The following SRGAP1 variants were observed in gnomAD, a reference collection of about 807,000 sequenced individuals.
SRGAP1 encodes SLIT-ROBO Rho GTPase activating protein 1, also known as SLIT-ROBO Rho GTPase-activating protein 1.
A neutral mutation model predicts 121.9 loss-of-function variants in SRGAP1; 43 were observed. The ratio of observed to expected loss-of-function variants is 0.35; its 90% confidence interval spans 0.28 to 0.46. The LOEUF is 0.46. SRGAP1 is among the 20% of genes least tolerant of loss of function. The probability of loss-of-function intolerance (pLI) is 1.00; values close to 1 mark genes in which losing one functional copy is unlikely to be tolerated. For missense variants in SRGAP1, 1,102 were observed against 1,350.9 expected, an observed-to-expected ratio of 0.82 and a Z score of 2.89; for synonymous variants, 447 against 485.4, an observed-to-expected ratio of 0.92 and a Z score of 1.04.
rs1347528480 is a variant in SRGAP1 at position 64,022,546 on chromosome 12, A to T, written c.489+5534A>T. 3.9e-5 allele frequency among the ~76,000 whole-genome samples: 6 copies of T among 152,278 alleles called. No homozygotes were observed. In the East Asian group the frequency reaches 1.2e-3, roughly 29 times the overall value. On this transcript the variant is annotated intron_variant, in intron 4 of 21. Transcript: ENST00000355086. ...AGAAGCACTCTCACACACATCCAGAATCATGTTTGACCAAATATCTGGGCA... is the reference window on the plus strand; with the variant it reads ...AGAAGCACTCTCACACACATCCAGATTCATGTTTGACCAAATATCTGGGCA...
chr12:64,011,081 A>C (rs954031866), intron 3 of SRGAP1, among the ~76,000 whole-genome samples: 4 of 152,098 alleles, frequency 2.6e-5, no homozygotes, highest in Admixed American at 6.6e-5. Context: ...GAAAGTACAG[A>C]GATGGGAAAG....
Position 64,147,258 on chromosome 12 carries a change from T to G in SRGAP1, c.*4586T>G. 2 of 378,774 alleles carry G rather than the reference T, an allele frequency of 5.3e-6. No individual in the cohort carries two copies. The highest frequency in any genetic ancestry group is 3.8e-5 in the East Asian group (1 of 26,434). 23.5% of individuals were successfully genotyped at this position (378,774 alleles called of 1,614,324 possible). The stretch of plus-strand genomic sequence containing the variant: ...CTTCCTGCTTGTGACTGTTACCTAA[T>G]TGTGTCAATGTACATCTGTAGTATG... On this transcript the variant is annotated 3_prime_UTR_variant, in exon 22 of 22. Coordinates refer to ENST00000355086, the MANE Select transcript of SRGAP1 (RefSeq NM_020762.4).
At chr12:64,115,101 G>A (rs2036496550) in intron 17 of SRGAP1, among the ~76,000 whole-genome samples, 1 of 152,262 alleles carries the variant, frequency 6.6e-6, no homozygotes, top group Non-Finnish European at 1.5e-5. Context: ...TGGTAAAGAT[G>A]CCACAAGCAG....
intron 3 of SRGAP1, among the ~76,000 whole-genome samples, chr12:64,014,903 G>A (rs1307539709): frequency 6.6e-6 from 1 of 151,962 alleles, no homozygotes; most frequent in African/African-American, 2.4e-5. Flanking sequence ...TGCAACCTCT[G>A]CCTCCTGGGT....
rs569719067 is a variant in SRGAP1, at chr12:64,131,924, C to G, written c.2880+3724C>G. ...AGGCGCAGTGGCTCATGCCTGTAAT[C>G]CCAGCACTTTGGGAAGCCAAGGCGG... On this transcript the variant is annotated intron_variant, in intron 21 of 21. Coordinates refer to ENST00000355086, the MANE Select transcript of SRGAP1 (RefSeq NM_020762.4). Among the ~76,000 whole-genome samples, 150 of 152,302 alleles carry G rather than the reference C, an allele frequency of 9.8e-4. 1 individual carries two copies. The highest frequency in any genetic ancestry group is 3.6e-3 in the African/African-American group (148 of 41,556).
intron 1 of SRGAP1, among the ~76,000 whole-genome samples, chr12:63,865,236 C>G (rs1322005276): frequency 6.6e-6 from 1 of 152,098 alleles, no homozygotes. Flanking sequence ...GCGGGCAGAT[C>G]ACAGGGCAGA....
chr12:63,902,981 T>C (rs2136308350), intron 1 of SRGAP1, among the ~76,000 whole-genome samples: 1 of 152,336 alleles, frequency 6.6e-6, no homozygotes, highest in South Asian at 2.1e-4. Flanking sequence ...CTATGTATAA[T>C]GTAACAGAAC....
intron 8 of SRGAP1, among the ~76,000 whole-genome samples, chr12:64,072,522 T>C (rs1017620955): frequency 1.3e-5 from 2 of 151,796 alleles, no homozygotes; most frequent in African/African-American, 4.8e-5. Flanking sequence ...GTCCTTATAA[T>C]AAAAAGGGGA....
Position 64,127,507 on chromosome 12 carries a change from A to T in SRGAP1, c.2406-83A>T, listed in dbSNP as rs1009286139. The T allele has an allele frequency of 1.7e-5, 23 of 1,392,550 alleles. No homozygotes were observed. The East Asian group carries it at 5.4e-4, about 33-fold the overall frequency. 86.3% of individuals were successfully genotyped at this position (1,392,550 alleles called of 1,614,324 possible). On this transcript the variant is annotated intron_variant, in intron 19 of 21. Coordinates refer to ENST00000355086, the MANE Select transcript of SRGAP1 (RefSeq NM_020762.4). ...TTTCATACATAAATGCTATCACGTA[A>T]ATTTTCATCTCCACTCATCTAGCAA... is the stretch of plus-strand genomic sequence containing the variant.
rs143795242 is a variant in SRGAP1 at position 64,014,594 on chromosome 12, A to G, written c.427-2356A>G. Among the ~76,000 whole-genome samples the G allele has an allele frequency of 3.7e-3, 559 of 152,268 alleles. 4 individuals carry two copies. The highest frequency in any genetic ancestry group is 0.013 in the African/African-American group (540 of 41,550). On this transcript the variant is annotated intron_variant, in intron 3 of 21. Coordinates refer to ENST00000355086, the MANE Select transcript of SRGAP1 (RefSeq NM_020762.4). ...GTTTACCTATACTACAGATCTGTACATGTAGCCCTGAACTTAAAATAAACG... is the reference window on the plus strand; with the variant it reads ...GTTTACCTATACTACAGATCTGTACGTGTAGCCCTGAACTTAAAATAAACG...
At chr12:63,901,095 T>C (rs998705881) in intron 1 of SRGAP1, among the ~76,000 whole-genome samples, 5 of 152,062 alleles carry the variant, frequency 3.3e-5, no homozygotes, top group Non-Finnish European at 5.9e-5. Flanking sequence ...GAAACACTTA[T>C]TTACTATGTG....
At chr12:63,899,097 G>A (rs2136304140) in intron 1 of SRGAP1, among the ~76,000 whole-genome samples, 1 of 152,250 alleles carries the variant, frequency 6.6e-6, no homozygotes, top group East Asian at 1.9e-4. Context: ...ACCAGGCTGG[G>A]CACGATGGCT....
intron 1 of SRGAP1, among the ~76,000 whole-genome samples, chr12:63,867,763 A>T (rs1470766502): frequency 1.3e-5 from 2 of 151,142 alleles, no homozygotes; most frequent in African/African-American, 2.4e-5. Flanking sequence ...AGTGACATTT[A>T]AAAAAAAATA....
chr12:63,955,692 T>G (rs1408525313), intron 1 of SRGAP1, among the ~76,000 whole-genome samples: 1 of 152,136 alleles, frequency 6.6e-6, no homozygotes, highest in Non-Finnish European at 1.5e-5. Context: ...GTTCATAAGT[T>G]TCTCTTTTTT....
At chr12:64,059,396 CTCTTT>C (rs1322200211) in intron 6 of SRGAP1, among the ~76,000 whole-genome samples, 1 of 151,974 alleles carries the variant, frequency 6.6e-6, no homozygotes, top group Non-Finnish European at 1.5e-5. Flanking sequence ...CTCTGTCTTT[CTCTTT>C]TAAGTTGTTT....
In SRGAP1 at chr12:64,155,033, T is replaced by A. The variant is rs569773711; in HGVS notation, c.*12361T>A. On this transcript the variant is annotated 3_prime_UTR_variant, in exon 22 of 22. Transcript: ENST00000355086. ...ATAGTTAACATTTGTTAAATATATA[T>A]ATTTTTTTCTTTTTCTTTTTCTTTT... The A allele has an allele frequency of 6.6e-6, 1 of 152,140 alleles. No individual in the cohort carries two copies. Among genetic ancestry groups the A allele is most frequent in the Non-Finnish European group, 1.5e-5 (1 of 68,048 alleles). 9.4% of individuals were successfully genotyped at this position (152,140 alleles called of 1,614,324 possible). A position where few individuals can be genotyped will look rare whatever the true frequency, so the allele number is the denominator to read the frequency against.
intron 1 of SRGAP1, among the ~76,000 whole-genome samples, chr12:63,928,383 T>C (rs2031341963): frequency 6.6e-6 from 1 of 152,216 alleles, no homozygotes; most frequent in South Asian, 2.1e-4. Flanking sequence ...AAAATGTTTA[T>C]AGCAGCCTTA....
intron 18 of SRGAP1, among the ~76,000 whole-genome samples, chr12:64,117,398 A>G (rs1321716297): frequency 6.6e-6 from 1 of 152,120 alleles, no homozygotes; most frequent in Non-Finnish European, 1.5e-5. Context: ...TTGTGGGTCC[A>G]CATCAGGTCC....
At chr12:64,109,170 G>A (rs1279130532) in intron 16 of SRGAP1, 133 bp downstream of exon 16, 2 of 487,726 alleles carry the variant, frequency 4.1e-6, no homozygotes, top group Admixed American at 4.0e-5. Flanking sequence ...ATTGAAAAAT[G>A]TACTGAAGGT....
Sources: gnomAD v4.1 joint callset for allele counts (sites outside exome capture counted in the v4.1 genomes callset) on GRCh38, gnomAD v4.1.1 for gene constraint, MANE v1.5 for transcripts, NCBI Gene and HGNC (gene_info 2026-07-23, HGNC 2026-07-21) for gene names.